Variants in SPRY3 observed in about 807,000 individuals in gnomAD.
SPRY3 encodes sprouty RTK signaling antagonist 3.
A neutral mutation model predicts 20.2 loss-of-function variants in SPRY3; 15 were observed. The ratio of observed to expected loss-of-function variants is 0.74; its 90% CI spans 0.50 to 1.14. The LOEUF is 1.14. SPRY3 is among the 50% of genes most tolerant of loss of function. The pLI is 0.00. For synonymous variants in SPRY3, 143 were observed against 136.5 expected (o/e 1.05, Z -0.33); for missense variants, 364 against 363.9 (o/e 1.00, Z 0.00).
At chrX:155,774,330 C>T (rs774982142) in exon 4 of SPRY3, 1 of 1,614,038 alleles carries the variant, frequency 6.2e-7, no homozygotes, top group Non-Finnish European at 8.5e-7. Context: ...GTGGGCGCTG[C>T]AAGTGCGTCC....
intron 1 of SPRY3, among the ~76,000 whole-genome samples, chrX:155,630,222 T>G (rs2067901654): frequency 8.9e-6 from 1 of 112,323 alleles, no homozygotes; most frequent in Non-Finnish European, 1.9e-5. Context: ...TTTGATAATT[T>G]AGTCCTTCAA....
chrX:155,696,509 C>T (rs906198157), intron 2 of SPRY3, among the ~76,000 whole-genome samples: 11 of 111,494 alleles, frequency 9.9e-5, no homozygotes, highest in African/African-American at 3.6e-4. Context: ...CATTTTTCTC[C>T]TTTCATTTGC....
chrX:155,715,363 A>G (rs1197932850), intron 2 of SPRY3, among the ~76,000 whole-genome samples: 1 of 152,002 alleles, frequency 6.6e-6, no homozygotes, highest in Non-Finnish European at 1.5e-5. Flanking sequence ...GTGTCTAGAA[A>G]TGTTGTCTGG....
chrX:155,734,457 A>G (rs1199587593), intron 2 of SPRY3, among the ~76,000 whole-genome samples: 1 of 152,092 alleles, frequency 6.6e-6, no homozygotes, highest in African/African-American at 2.4e-5. Context: ...CGTCAAAGAT[A>G]ATTGAATATA....
chrX:155,719,063 A>G (rs911366114), intron 2 of SPRY3, among the ~76,000 whole-genome samples: 1 of 152,164 alleles, frequency 6.6e-6, no homozygotes, highest in African/African-American at 2.4e-5. Flanking sequence ...GAGGTAGAAA[A>G]AACAGTCTTG....
At chrX:155,725,315 G>A (rs1459819669) in intron 2 of SPRY3, among the ~76,000 whole-genome samples, 1 of 152,148 alleles carries the variant, frequency 6.6e-6, no homozygotes, top group Non-Finnish European at 1.5e-5. Context: ...TTTGGTATCA[G>A]GATGATGCTG....
chrX:155,723,734 G>C (rs1336051967), intron 2 of SPRY3, among the ~76,000 whole-genome samples: 4 of 152,080 alleles, frequency 2.6e-5, no homozygotes, highest in Admixed American at 6.6e-5. Flanking sequence ...TCTCTAGGTT[G>C]CCTGTTCACT....
intron 1 of SPRY3, among the ~76,000 whole-genome samples, chrX:155,623,664 G>A (rs782418205): frequency 8.9e-6 from 1 of 111,887 alleles, no homozygotes; most frequent in African/African-American, 3.2e-5. Context: ...TCATGTTTTA[G>A]TTAGAACTTG....
Position 155,671,619 on chromosome X carries a change from T to C in SPRY3, c.-282+14594T>C, listed in dbSNP as rs1033356002. Among the ~76,000 whole-genome samples the C allele has an allele frequency of 1.6e-4, 18 of 111,250 alleles. No individual in the cohort carries two copies. In the Admixed American group the frequency reaches 1.7e-3, roughly 11 times the overall value. On this transcript the variant is annotated intron_variant, in intron 2 of 3. Transcript: ENST00000675360. ...ATGTATGTATGTATCTATCAAATGA[T>C]CCATGCTGTGCTCTGTTAGGCATCA...
intron 2 of SPRY3, among the ~76,000 whole-genome samples, chrX:155,683,106 A>C (rs1409196350): frequency 2.7e-5 from 3 of 112,229 alleles, no homozygotes; most frequent in Non-Finnish European, 3.8e-5. Flanking sequence ...CTTGAGATGG[A>C]ATCTACTCCT....
At chrX:155,665,814 T>C (rs1273621977) in intron 2 of SPRY3, among the ~76,000 whole-genome samples, 2 of 111,905 alleles carry the variant, frequency 1.8e-5, no homozygotes, top group African/African-American at 6.5e-5. Flanking sequence ...ATGTTTTATT[T>C]TTTTAAGTGA....
At chrX:155,767,060 T>G (rs1484838512) in intron 2 of SPRY3, among the ~76,000 whole-genome samples, 1 of 152,068 alleles carries the variant, frequency 6.6e-6, no homozygotes, top group Non-Finnish European at 1.5e-5. Flanking sequence ...ATTGTTACTC[T>G]CCACCCCACC....
intron 2 of SPRY3, among the ~76,000 whole-genome samples, chrX:155,698,571 A>G (rs1272698371): frequency 8.9e-6 from 1 of 112,037 alleles, no homozygotes; most frequent in Admixed American, 9.4e-5. Context: ...TTCATTTTAT[A>G]GGCTCTCAAT....
intron 2 of SPRY3, among the ~76,000 whole-genome samples, chrX:155,744,197 TG>T (rs1462212247): frequency 6.6e-6 from 1 of 152,072 alleles, no homozygotes; most frequent in African/African-American, 2.4e-5. Flanking sequence ...TGAAACTCTG[TG>T]GGTTTTGTGT....
chrX:155,769,774 G>A (rs2091369946), intron 3 of SPRY3, among the ~76,000 whole-genome samples: 1 of 152,196 alleles, frequency 6.6e-6, no homozygotes, highest in Non-Finnish European at 1.5e-5. Context: ...GGGTAGCAAA[G>A]TGACAAGTTA....
chrX:155,664,453 T>C (rs2068018731), intron 2 of SPRY3, among the ~76,000 whole-genome samples: 1 of 109,029 alleles, frequency 9.2e-6, no homozygotes, highest in South Asian at 3.9e-4. Context: ...CATTACTAGA[T>C]AGTGAAACTT....
chrX:155,774,916 C>G, exon 4 of SPRY3: 2 of 685,092 alleles, frequency 2.9e-6, no homozygotes, highest in Non-Finnish European at 5.0e-6. Context: ...CTTGTTCTTT[C>G]TCACAGTATC....
intron 2 of SPRY3, among the ~76,000 whole-genome samples, chrX:155,679,588 G>T (rs1286511085): frequency 1.8e-5 from 2 of 111,703 alleles, no homozygotes; most frequent in Non-Finnish European, 3.8e-5. Flanking sequence ...TCACATTGGG[G>T]TTTAAGTTCC....
At chrX:155,746,034 T>A (rs1290731838) in intron 2 of SPRY3, among the ~76,000 whole-genome samples, 1 of 152,052 alleles carries the variant, frequency 6.6e-6, no homozygotes, top group Non-Finnish European at 1.5e-5. Context: ...CAGCATAAAT[T>A]TCTAAATGTG....
Sources: allele counts gnomAD v4.1 joint callset (sites outside exome capture counted in the v4.1 genomes callset), GRCh38; gene constraint gnomAD v4.1.1; transcripts MANE v1.5; gene names NCBI Gene and HGNC (gene_info 2026-07-23, HGNC 2026-07-21).